EFCC1: variants seen among roughly 807,000 people sequenced by gnomAD.
EFCC1 encodes the protein EF-hand and coiled-coil domain-containing protein 1.
Under a neutral mutation model 52.1 loss-of-function variants are expected in EFCC1, and 50 were observed. The ratio of observed to expected loss-of-function variants is 0.96; its 90% CI spans 0.76 to 1.21. The LOEUF (loss-of-function observed/expected upper bound fraction) is 1.21. Among genes scored for constraint, EFCC1 ranks in the 50% most tolerant of loss-of-function variants. EFCC1 has a pLI of 0.00. For missense variants in EFCC1, 837 were observed against 867.3 expected (o/e 0.97, Z 0.44); for synonymous variants, 399 against 396.5 (o/e 1.01, Z -0.08).
intron 4 of EFCC1, 126 bp downstream of exon 4, chr3:129,033,092 C>A: frequency 7.4e-7 from 1 of 1,344,456 alleles, no homozygotes; most frequent in Non-Finnish European, 9.7e-7. Context: ...GCGACTCTGT[C>A]CCCTTGTCCC....
chr3:129,006,980 T>C (rs1945103421), intron 2 of EFCC1, among the ~76,000 whole-genome samples: 1 of 152,208 alleles, frequency 6.6e-6, no homozygotes, highest in African/African-American at 2.4e-5. Context: ...TGTAAGCTCA[T>C]GGGGCCTCTA....
chr3:129,031,041 T>C (rs1946262210), intron 3 of EFCC1, among the ~76,000 whole-genome samples, 181 bp downstream of exon 3: 1 of 152,150 alleles, frequency 6.6e-6, no homozygotes, highest in African/African-American at 2.4e-5. Context: ...CCTAAGAACC[T>C]GGGCCTAGAG....
chr3:129,032,865 T>A lies in EFCC1; in HGVS notation c.1185T>A (p.Ser395=), dbSNP rs138547809. 4.4e-5 allele frequency: 68 copies of A among 1,551,476 alleles called. No individual in the cohort carries two copies. Among genetic ancestry groups the A allele is most frequent in the Non-Finnish European group, 5.5e-5 (63 of 1,146,924 alleles). Residue 395 remains serine (S), a synonymous_variant, in exon 4 of 8, where the codon TCT becomes TCA. Coordinates refer to ENST00000683648, the MANE Select transcript of EFCC1 (RefSeq NM_001377500.1). ...GCTCCGTGGAGGGCCAGGCCGCCTC[T>A]GACGAGGAGGAGGTGGAGGAGGAGA... The part of the protein sequence containing the change: ...LFRSVEGQAA[S]DEEEVEEERW...
At chr3:129,004,912 C>G (rs1945002103) in intron 2 of EFCC1, among the ~76,000 whole-genome samples, 1 of 152,164 alleles carries the variant, frequency 6.6e-6, no homozygotes, top group Admixed American at 6.5e-5. Context: ...AAGTCACCAC[C>G]CCTCACAGAC....
intron 6 of EFCC1, among the ~76,000 whole-genome samples, chr3:129,037,995 C>T (rs1242633756): frequency 6.6e-6 from 1 of 150,900 alleles, no homozygotes; most frequent in Admixed American, 6.6e-5. Flanking sequence ...GTCCAGGAGG[C>T]AAAAGTTGCA....
chr3:129,037,701 G>A (rs1310823982), intron 6 of EFCC1, among the ~76,000 whole-genome samples: 1 of 152,062 alleles, frequency 6.6e-6, no homozygotes, highest in Non-Finnish European at 1.5e-5. Context: ...ACCAGATAAG[G>A]GCTCTCAACC....
intron 2 of EFCC1, among the ~76,000 whole-genome samples, chr3:129,018,013 C>T (rs1483357771): frequency 6.6e-6 from 1 of 152,236 alleles, no homozygotes; most frequent in Non-Finnish European, 1.5e-5. Context: ...ACAGCCCTCC[C>T]TCCTGGCTAC....
At chr3:129,004,188 C>T in intron 2 of EFCC1, 111 bp downstream of exon 2, 3 of 1,252,484 alleles carry the variant, frequency 2.4e-6, no homozygotes, top group Non-Finnish European at 3.1e-6. Context: ...GCAGTTTCTC[C>T]ATGCGTTTAT....
At chr3:129,026,991 T>C (rs979348418) in intron 2 of EFCC1, among the ~76,000 whole-genome samples, 1 of 152,136 alleles carries the variant, frequency 6.6e-6, no homozygotes, top group Non-Finnish European at 1.5e-5. Flanking sequence ...GCTCAACTGA[T>C]GTTACTAAGG....
chr3:129,032,883 G>A lies in EFCC1; in HGVS notation c.1203G>A (p.Glu401=), dbSNP rs1395515532. ...GQAASDEEEV[E]EERWQEEKKT... ...CCGCCTCTGACGAGGAGGAGGTGGA[G>A]GAGGAGAGGTGGCAGGAGGAGAAGA... Residue 401 remains glutamate, a synonymous_variant, in exon 4 of 8, where the codon GAG becomes GAA. Transcript: ENST00000683648. The A allele has an allele frequency of 4.5e-6, 7 of 1,551,390 alleles. No individual in the cohort carries two copies. Among genetic ancestry groups the A allele is most frequent in the East Asian group, 4.9e-5 (2 of 40,934 alleles).
At chr3:129,036,471 G>A (rs923124481) in intron 5 of EFCC1, among the ~76,000 whole-genome samples, 3 of 152,240 alleles carry the variant, frequency 2.0e-5, no homozygotes, top group African/African-American at 4.8e-5. Flanking sequence ...GGTTTAGGTG[G>A]CCCCCTGGCC....
rs1323088349 is a variant in EFCC1 at position 129,001,838 on chromosome 3, C to T, written c.210C>T (p.Gly70=). ...QEVFHHLDCR[G]AGRLPRADFR... ...TCTTCCACCACCTGGACTGCCGCGG[C>T]GCCGGCCGTCTGCCCCGCGCCGACT... is the stretch of plus-strand genomic sequence containing the variant. Residue 70 remains glycine (G), a synonymous_variant, in exon 1 of 8, where the codon GGC becomes GGT. Coordinates refer to ENST00000683648, the MANE Select transcript of EFCC1 (RefSeq NM_001377500.1). 3 of 1,545,698 alleles carry T rather than the reference C, an allele frequency of 1.9e-6. No individual in the cohort carries two copies. Among genetic ancestry groups the T allele is most frequent in the South Asian group, 2.4e-5 (2 of 83,550 alleles).
At chr3:129,031,377 G>A (rs1946269770) in intron 3 of EFCC1, among the ~76,000 whole-genome samples, 1 of 152,190 alleles carries the variant, frequency 6.6e-6, no homozygotes, top group South Asian at 2.1e-4. Flanking sequence ...GGAGGTAGAG[G>A]CTGCAGTGAG....
chr3:129,001,583 AAGGGACCGGAGG>A lies in EFCC1; in HGVS notation c.-31_-20del, dbSNP rs1031495612. 18 of 1,345,830 alleles carry A rather than the reference AAGGGACCGGAGG, an allele frequency of 1.3e-5. No individual in the cohort carries two copies. Among genetic ancestry groups the A allele is most frequent in the South Asian group, 1.3e-4 (7 of 53,184 alleles). 83.4% of individuals were successfully genotyped at this position (1,345,830 alleles called of 1,614,324 possible). The stretch of plus-strand genomic sequence containing the variant: ...GGCCGCCCCTGGAAGTGGCGGGGCG[AAGGGACCGGAGG>A]AGGGACCGGAGGAGCGAGGCGCGCG... On this transcript the variant is annotated 5_prime_UTR_variant, in exon 1 of 8. Coordinates refer to ENST00000683648, the MANE Select transcript of EFCC1 (RefSeq NM_001377500.1).
chr3:129,034,404 A>C, intron 5 of EFCC1, 75 bp downstream of exon 5: 5 of 1,522,406 alleles, frequency 3.3e-6, no homozygotes, highest in Non-Finnish European at 4.4e-6. Context: ...GAGGGATTGC[A>C]GCCAAGTCTT....
chr3:129,004,015 G>T lies in EFCC1; in HGVS notation c.918G>T (p.Ala306=), dbSNP rs1226218868. The change falls in exon 2 of 8, where the codon GCG becomes GCT. Residue 306 remains alanine (A), a synonymous_variant. Coordinates refer to ENST00000683648, the MANE Select transcript of EFCC1 (RefSeq NM_001377500.1). ...LHRVRELEAL[A]QQVPGLQRWV... ...GCGTGCGAGAGCTGGAGGCGCTGGC[G>T]CAACAGGTGCCCGGCTTGCAGCGCT... 6.6e-7 allele frequency: 1 copy of T among 1,507,420 alleles called. No homozygotes were observed. Among genetic ancestry groups the T allele is most frequent in the Non-Finnish European group, 8.8e-7 (1 of 1,135,132 alleles). 93.4% of individuals were successfully genotyped at this position (1,507,420 alleles called of 1,614,324 possible).
chr3:129,038,878 C>A lies in EFCC1; in HGVS notation c.1641C>A (p.Asp547Glu), dbSNP rs374722185. The A allele has an allele frequency of 2.5e-6, 4 of 1,613,808 alleles. No individual in the cohort carries two copies. Residue 547 changes from aspartate (D) to glutamate (E), a missense_variant, in exon 7 of 8, where the codon GAC becomes GAA. Physicochemically the swap from Asp to Glu is conservative, Grantham distance 45. Transcript: ENST00000683648. ...ALGKILLSTL[D>E]AFRDPTHEGR... Reference sequence around the variant, plus strand: ...GGAAGATTTTGCTGAGCACGCTGGACGCTTTCAGGGACCCCACCCACGGTA... The same window carrying A: ...GGAAGATTTTGCTGAGCACGCTGGAAGCTTTCAGGGACCCCACCCACGGTA...
At chr3:129,007,206 G>A (rs1204853853) in intron 2 of EFCC1, among the ~76,000 whole-genome samples, 2 of 152,176 alleles carry the variant, frequency 1.3e-5, no homozygotes. Flanking sequence ...ACATTTTACT[G>A]GCTGGGGAGG....
intron 2 of EFCC1, among the ~76,000 whole-genome samples, chr3:129,029,770 A>G (rs2107933797): frequency 6.6e-6 from 1 of 151,480 alleles, no homozygotes; most frequent in African/African-American, 2.4e-5. Context: ...TTTTTAGTGG[A>G]GACAGGGTTT....
Sources: allele counts gnomAD v4.1 joint callset (sites outside exome capture counted in the v4.1 genomes callset), GRCh38; gene constraint gnomAD v4.1.1; transcripts MANE v1.5; gene names NCBI Gene and HGNC (gene_info 2026-07-23, HGNC 2026-07-21).